SEMA4D: variants seen among roughly 807,000 people sequenced by gnomAD.
The protein encoded by SEMA4D is semaphorin-4D.
SEMA4D carries 22 observed loss-of-function variants against 74.8 expected under a neutral mutation model. That is an observed-to-expected ratio of 0.29 (90% CI 0.21 to 0.42). SEMA4D has a LOEUF of 0.42. Among genes scored for constraint, SEMA4D ranks in the 10% least tolerant of loss-of-function variants. The probability of loss-of-function intolerance (pLI) is 1.00; values close to 1 mark genes in which losing one functional copy is unlikely to be tolerated. For missense variants in SEMA4D, 937 were observed against 1,118.4 expected (o/e 0.84, Z 2.31); for synonymous variants, 445 against 463.7 (o/e 0.96, Z 0.52).
intron 2 of SEMA4D, among the ~76,000 whole-genome samples, chr9:89,442,879 C>T (rs1030106342): frequency 2.6e-5 from 4 of 152,208 alleles, no homozygotes; most frequent in Non-Finnish European, 4.4e-5. Context: ...ACGCATGTGC[C>T]GGTGTCGTCT....
intron 2 of SEMA4D, among the ~76,000 whole-genome samples, chr9:89,441,905 C>T (rs1432556499): frequency 6.6e-6 from 1 of 152,230 alleles, no homozygotes; most frequent in Non-Finnish European, 1.5e-5. Context: ...GCAAGAGGGG[C>T]TCATGGCCAC....
downstream of SEMA4D, chr9:89,377,098 C>G: frequency 6.7e-7 from 1 of 1,496,160 alleles, no homozygotes; most frequent in Non-Finnish European, 9.0e-7. Context: ...AGGAAGAAGT[C>G]GCCAGGAGCA....
chr9:89,372,533 C>CA (rs1835256716), downstream of SEMA4D, among the ~76,000 whole-genome samples: 2 of 151,828 alleles, frequency 1.3e-5, no homozygotes, highest in African/African-American at 4.8e-5. Context: ...AGGGCCAACG[C>CA]GGTGCAGGAT....
At chr9:89,473,440 A>C (rs1312378181) in intron 1 of SEMA4D, among the ~76,000 whole-genome samples, 1 of 149,626 alleles carries the variant, frequency 6.7e-6, no homozygotes, top group Non-Finnish European at 1.5e-5. Flanking sequence ...TAGACTAAAA[A>C]TTTAAAAACT....
chr9:89,438,309 C>T (rs1440866491), intron 2 of SEMA4D, among the ~76,000 whole-genome samples: 2 of 152,248 alleles, frequency 1.3e-5, no homozygotes, highest in African/African-American at 2.4e-5. Context: ...GACTTGTGCT[C>T]ATGTGGATGC....
intron 1 of SEMA4D, among the ~76,000 whole-genome samples, chr9:89,494,016 A>G (rs1825820155): frequency 6.6e-6 from 1 of 152,134 alleles, no homozygotes; most frequent in Non-Finnish European, 1.5e-5. Context: ...ATTGATTTCT[A>G]TCCTTCATAG....
In SEMA4D at chr9:89,402,958, C is replaced by G. The variant is rs144305641; in HGVS notation, c.165G>C (p.Leu55=). 2 of 1,614,036 alleles carry G rather than the reference C, an allele frequency of 1.2e-6. No homozygotes were observed. Among genetic ancestry groups the G allele is most frequent in the Admixed American group, 3.3e-5 (2 of 60,034 alleles). The stretch of plus-strand genomic sequence containing the variant: ...TGTACAAGGTGTCCTTGTCCTCGCT[C>G]AGCAGCAAGGCTGAGTAGTTGTAGA... ...PDIYNYSALL[L]SEDKDTLYIG... The change falls in exon 4 of 16, where the codon CTG becomes CTC. Residue 55 remains leucine (L), a synonymous_variant. Transcript: ENST00000422704.
At chr9:89,384,883 C>A (rs1436895539) in intron 13 of SEMA4D, 1 of 985,412 alleles carries the variant, frequency 1.0e-6, no homozygotes, top group Non-Finnish European at 1.2e-6. Context: ...TCCACCCCCA[C>A]CTGGAGCCTA....
intron 18 of SEMA4D, chr9:89,363,392 T>C: frequency 6.2e-7 from 1 of 1,603,886 alleles, no homozygotes; most frequent in South Asian, 1.1e-5. Flanking sequence ...TGCCCCTGGC[T>C]CCAGCCCTCC....
At chr9:89,453,289 AAAC>A (rs1478471805) in intron 2 of SEMA4D, among the ~76,000 whole-genome samples, 4 of 152,234 alleles carry the variant, frequency 2.6e-5, no homozygotes, top group African/African-American at 9.7e-5. Context: ...GGCGGTATCA[AAAC>A]AACCACCAAA....
At chr9:89,421,816 T>G (rs541698687) in intron 2 of SEMA4D, among the ~76,000 whole-genome samples, 4 of 152,132 alleles carry the variant, frequency 2.6e-5, no homozygotes, top group South Asian at 2.1e-4. Context: ...TGTGTGTGTG[T>G]GGGTGTGCAC....
intron 2 of SEMA4D, among the ~76,000 whole-genome samples, chr9:89,445,480 G>C (rs917985117): frequency 1.3e-5 from 2 of 152,346 alleles, no homozygotes; most frequent in Middle Eastern, 3.4e-3. Flanking sequence ...GACCATGCTC[G>C]CTCTGGAGGC....
chr9:89,383,845 T>C (rs1837761591), intron 13 of SEMA4D, among the ~76,000 whole-genome samples: 1 of 152,124 alleles, frequency 6.6e-6, no homozygotes, highest in Non-Finnish European at 1.5e-5. Flanking sequence ...AGCAAGCCTG[T>C]CCTGTGCACT....
At chr9:89,414,234 A>G (rs972617604) in intron 2 of SEMA4D, among the ~76,000 whole-genome samples, 2 of 152,344 alleles carry the variant, frequency 1.3e-5, no homozygotes, top group Middle Eastern at 3.4e-3. Flanking sequence ...CTCTGGTGAC[A>G]GCTGTGGACT....
intron 2 of SEMA4D, among the ~76,000 whole-genome samples, chr9:89,413,012 C>A (rs1844869340): frequency 6.6e-6 from 1 of 152,140 alleles, no homozygotes; most frequent in Non-Finnish European, 1.5e-5. Flanking sequence ...TAAATTAAAA[C>A]AAAAGGAGAA....
intron 2 of SEMA4D, among the ~76,000 whole-genome samples, chr9:89,453,793 G>C (rs1022547979): frequency 6.6e-6 from 1 of 151,950 alleles, no homozygotes; most frequent in Non-Finnish European, 1.5e-5. Context: ...GCCACTTCAC[G>C]CTGGGAAAAG....
downstream of SEMA4D, chr9:89,376,705 A>T: frequency 7.5e-7 from 1 of 1,333,798 alleles, no homozygotes; most frequent in Admixed American, 2.7e-5. Context: ...AACCCGAGGG[A>T]CGCAGCCAGG....
At chr9:89,473,346 A>G (rs1860906864) in intron 1 of SEMA4D, among the ~76,000 whole-genome samples, 1 of 152,106 alleles carries the variant, frequency 6.6e-6, no homozygotes, top group African/African-American at 2.4e-5. Flanking sequence ...AGGCCGAGGC[A>G]GGACGACTCC....
At chr9:89,474,044 C>G (rs28505778) in intron 1 of SEMA4D, among the ~76,000 whole-genome samples, 28,964 of 151,958 alleles carry the variant, frequency 0.19, 2,956 homozygotes, top group East Asian at 0.32. Context: ...CAGCAGCACT[C>G]TGGGTCCCCC....
Sources: allele counts gnomAD v4.1 joint callset (sites outside exome capture counted in the v4.1 genomes callset), GRCh38; gene constraint gnomAD v4.1.1; transcripts MANE v1.5; gene names NCBI Gene and HGNC (gene_info 2026-07-23, HGNC 2026-07-21).